The following GPR89B variants were observed in gnomAD, a reference collection of about 807,000 sequenced individuals.
GPR89B encodes the protein G protein-coupled receptor 89B.
Under a neutral mutation model 52.4 loss-of-function variants are expected in GPR89B, and 25 were observed. The ratio of observed to expected loss-of-function variants is 0.48; its 90% confidence interval spans 0.35 to 0.67. GPR89B has a LOEUF of 0.67. GPR89B is among the 30% of genes least tolerant of loss of function. The pLI, the probability that GPR89B is intolerant of heterozygous loss-of-function variation, is 0.01. For missense variants in GPR89B, 146 were observed against 450.2 expected (o/e 0.32, Z 6.11); for synonymous variants, 52 against 151.2 (o/e 0.34, Z 4.81).
chr1:148,025,523 CAAAAAAAAAAAAA>C, the GPR89B span, among the ~76,000 whole-genome samples: 2 of 29,684 alleles, frequency 6.7e-5, no homozygotes, highest in East Asian at 1.6e-3. Flanking sequence ...AACTCTGTCT[CAAAAAAAAAAAAA>C]AAAAAAAAAA....
intron 5 of GPR89B, among the ~76,000 whole-genome samples, chr1:147,946,328 AGTGTTTAATAC>A (rs1553249762): frequency 6.6e-6 from 1 of 152,154 alleles, no homozygotes. Flanking sequence ...ACACATAACA[AGTGTTTAATAC>A]GTGTTCTTTG....
chr1:147,949,846 G>A (rs1553250629), intron 5 of GPR89B, among the ~76,000 whole-genome samples: 1 of 139,274 alleles, frequency 7.2e-6, no homozygotes, highest in Non-Finnish European at 1.6e-5. Flanking sequence ...CGGGCAGAGG[G>A]GCTCCTCACT....
the GPR89B span, chr1:148,024,679 G>A: frequency 1.4e-5 from 2 of 142,782 alleles, no homozygotes; most frequent in Non-Finnish European, 3.0e-5. Context: ...TTGGGAGATG[G>A]TCATCAGAGA....
At chr1:148,012,571 C>A in the GPR89B span, among the ~76,000 whole-genome samples, 1 of 142,616 alleles carries the variant, frequency 7.0e-6, no homozygotes, top group South Asian at 2.3e-4. Flanking sequence ...TGGGAGAAGA[C>A]CCACACAGGC....
At chr1:148,003,043 T>C in the GPR89B span, among the ~76,000 whole-genome samples, 1 of 152,244 alleles carries the variant, frequency 6.6e-6, no homozygotes, top group Non-Finnish European at 1.5e-5. Flanking sequence ...TATGGACATA[T>C]GTCTCTTATC....
At chr1:148,000,788 A>C in the GPR89B span, among the ~76,000 whole-genome samples, 9 of 146,898 alleles carry the variant, frequency 6.1e-5, no homozygotes, top group East Asian at 1.2e-3. Context: ...AAAAAAAAAA[A>C]AAAAAAACAA....
At position 147,933,250 on chromosome 1, in the gene GPR89B, C is replaced by T. The variant is rs376887856; in HGVS notation, c.43-3377C>T. Among the ~76,000 whole-genome samples, 1,172 of 151,392 alleles carry T rather than the reference C, an allele frequency of 7.7e-3. 22 individuals are homozygous for T. Among genetic ancestry groups the T allele is most frequent in the East Asian group, 0.045 (230 of 5,110 alleles). ...TTTTCTTTTTTTCTCATTCCTGGCT[C>T]TCCCTAGAGTAATTTGCATTTACTG... On this transcript the variant is annotated intron_variant, in intron 1 of 13. Coordinates refer to ENST00000314163, the MANE Select transcript of GPR89B (RefSeq NM_016334.5).
intron 2 of GPR89B, among the ~76,000 whole-genome samples, chr1:147,937,941 T>C (rs1654236330): frequency 6.6e-6 from 1 of 152,204 alleles, no homozygotes; most frequent in Non-Finnish European, 1.5e-5. Flanking sequence ...AACTAATAAA[T>C]GTCCATGAAA....
rs1659184005 is a variant in GPR89B at position 147,993,110 on chromosome 1, G to A, written c.*193G>A. ...GAGTAGCATCAGCCAGAACATGAGA[G>A]GGAGAACTAACTCAAGACAATACTC... On this transcript the variant is annotated 3_prime_UTR_variant, in exon 14 of 14. Coordinates refer to ENST00000314163, the MANE Select transcript of GPR89B (RefSeq NM_016334.5). 1 of 1,468,976 alleles carries A rather than the reference G, an allele frequency of 6.8e-7. No individual in the cohort carries two copies. Among genetic ancestry groups the A allele is most frequent in the Non-Finnish European group, 9.0e-7 (1 of 1,111,258 alleles). The allele number at this position is 1,468,976 out of a possible 1,614,324, so 91.0% of individuals were successfully genotyped here.
chr1:148,019,818 G>A, the GPR89B span, among the ~76,000 whole-genome samples: 3 of 151,988 alleles, frequency 2.0e-5, no homozygotes, highest in Non-Finnish European at 4.4e-5. Context: ...TTGGGTGGCC[G>A]ACCAGGGCCA....
chr1:148,012,004 T>C, the GPR89B span: 1 of 152,124 alleles, frequency 6.6e-6, no homozygotes, highest in Non-Finnish European at 1.5e-5. Context: ...AGTCTAACAG[T>C]AGTTTAAAAC....
At chr1:148,006,968 C>T in the GPR89B span, among the ~76,000 whole-genome samples, 11 of 151,750 alleles carry the variant, frequency 7.2e-5, no homozygotes, top group Admixed American at 3.9e-4. Context: ...CCACTCGCCT[C>T]GCACTCTCAA....
chr1:147,995,166 T>C (rs1481076966), downstream of GPR89B, among the ~76,000 whole-genome samples: 1 of 151,512 alleles, frequency 6.6e-6, no homozygotes, highest in Non-Finnish European at 1.5e-5. Flanking sequence ...TTTAATATAG[T>C]TAATCTTAGT....
At chr1:148,011,924 A>C in the GPR89B span, 2 of 152,208 alleles carry the variant, frequency 1.3e-5, 1 homozygote, top group Non-Finnish European at 2.9e-5. Context: ...GGGTGCGACT[A>C]CGGTGGACAA....
At chr1:147,932,831 C>G (rs1221805379) in intron 1 of GPR89B, among the ~76,000 whole-genome samples, 30 of 152,028 alleles carry the variant, frequency 2.0e-4, no homozygotes, top group Non-Finnish European at 5.9e-5. Flanking sequence ...AATTTCTAAA[C>G]AGACAGACTC....
the GPR89B span, among the ~76,000 whole-genome samples, chr1:148,004,886 AACACACACACACACACACACAC>A: frequency 2.2e-4 from 25 of 111,974 alleles, no homozygotes; most frequent in African/African-American, 7.8e-4. Context: ...ATCTCTACAA[AACACACACACACACACACACAC>A]ACACACACAC....
chr1:148,018,442 G>GA, the GPR89B span, among the ~76,000 whole-genome samples: 3 of 145,140 alleles, frequency 2.1e-5, no homozygotes, highest in Non-Finnish European at 3.0e-5. Flanking sequence ...AGAAAGAAAA[G>GA]AAAAAAAAGG....
chr1:147,958,078 A>G (rs1224973222), intron 7 of GPR89B, among the ~76,000 whole-genome samples: 1 of 152,080 alleles, frequency 6.6e-6, no homozygotes, highest in Non-Finnish European at 1.5e-5. Context: ...AAGAAAAAAA[A>G]AAAGAATGAT....
chr1:147,980,046 G>A (rs1384819238), intron 10 of GPR89B, among the ~76,000 whole-genome samples: 11 of 150,660 alleles, frequency 7.3e-5, no homozygotes, highest in East Asian at 5.9e-4. Flanking sequence ...TTATCACGCC[G>A]CTGCACTCCA....
Sources: gnomAD v4.1 joint callset for allele counts (sites outside exome capture counted in the v4.1 genomes callset) on GRCh38, gnomAD v4.1.1 for gene constraint, MANE v1.5 for transcripts, NCBI Gene and HGNC (gene_info 2026-07-23, HGNC 2026-07-21) for gene names.